Variants in AKAP7 observed in about 807,000 individuals in gnomAD.
The protein encoded by AKAP7 is A-kinase anchoring protein 7.
Under a neutral mutation model 39.5 loss-of-function variants are expected in AKAP7, and 39 were observed. The ratio of observed to expected loss-of-function variants is 0.99; its 90% CI spans 0.76 to 1.29. The LOEUF (loss-of-function observed/expected upper bound fraction) is 1.29, where lower values mean the gene tolerates loss of function less well. AKAP7 is among the 50% of genes most tolerant of loss of function. AKAP7 has a pLI of 0.00. For synonymous variants in AKAP7, 140 were observed against 139.1 expected (o/e 1.01, Z -0.05); for missense variants, 414 against 407.7 (o/e 1.02, Z -0.13).
At chr6:131,164,549 G>A in intron 3 of AKAP7, 1 of 378,688 alleles carries the variant, frequency 2.6e-6, no homozygotes, top group Non-Finnish European at 5.3e-6. Flanking sequence ...AAAAATGACA[G>A]TAGTCATTTC....
chr6:131,151,959 A>T (rs1208580987), intron 2 of AKAP7, among the ~76,000 whole-genome samples: 1 of 152,218 alleles, frequency 6.6e-6, no homozygotes, highest in Non-Finnish European at 1.5e-5. Context: ...TTTTCTCATC[A>T]TTCATTTCTT....
intron 7 of AKAP7, among the ~76,000 whole-genome samples, chr6:131,225,796 G>A (rs1221395306): frequency 6.6e-6 from 1 of 151,872 alleles, no homozygotes; most frequent in Non-Finnish European, 1.5e-5. Flanking sequence ...TCCATTAATT[G>A]GTTCATTTTT....
At chr6:131,245,673 G>T (rs1811946714) in intron 7 of AKAP7, among the ~76,000 whole-genome samples, 1 of 152,036 alleles carries the variant, frequency 6.6e-6, no homozygotes, top group South Asian at 2.1e-4. Context: ...CATTTTCACT[G>T]AAATTGTGAC....
At chr6:131,169,627 A>G (rs1803836360) in intron 5 of AKAP7, among the ~76,000 whole-genome samples, 1 of 152,214 alleles carries the variant, frequency 6.6e-6, no homozygotes, top group Non-Finnish European at 1.5e-5. Context: ...CTCTGAGCAG[A>G]AGGACCATTG....
chr6:131,201,099 T>G (rs1335689854), intron 6 of AKAP7, among the ~76,000 whole-genome samples: 1 of 152,180 alleles, frequency 6.6e-6, no homozygotes, highest in Admixed American at 6.5e-5. Context: ...ATATGAGACT[T>G]GGAATGGTTG....
At chr6:131,239,945 G>A (rs1417408335) in intron 7 of AKAP7, among the ~76,000 whole-genome samples, 1 of 152,218 alleles carries the variant, frequency 6.6e-6, no homozygotes, top group African/African-American at 2.4e-5. Context: ...TTCCGTTGCT[G>A]GTGAGGAGCT....
intron 7 of AKAP7, among the ~76,000 whole-genome samples, chr6:131,255,910 A>G (rs1356500775): frequency 6.6e-6 from 1 of 151,658 alleles, no homozygotes. Flanking sequence ...TCCTCCTCTT[A>G]ATTTATTTAA....
intron 7 of AKAP7, among the ~76,000 whole-genome samples, chr6:131,241,637 A>ATATATATATATGTGTG (rs1554217972): frequency 1.3e-5 from 1 of 78,786 alleles, no homozygotes; most frequent in Non-Finnish European, 3.0e-5. Flanking sequence ...GTATATATAT[A>ATATATATATATGTGTG]TGACAGTTAT....
At chr6:131,143,926 G>A (rs1801267994) in intron 1 of AKAP7, among the ~76,000 whole-genome samples, 1 of 139,512 alleles carries the variant, frequency 7.2e-6, no homozygotes, top group Non-Finnish European at 1.5e-5. Context: ...AAGTGTTTGT[G>A]TCCCTGGGTA....
intron 6 of AKAP7, among the ~76,000 whole-genome samples, chr6:131,219,333 GAGATGATT>G (rs1809498709): frequency 6.6e-6 from 1 of 151,538 alleles, no homozygotes; most frequent in Admixed American, 6.6e-5. Flanking sequence ...ATTTTTGTTG[GAGATGATT>G]AGTCTTTCCT....
chr6:131,212,753 G>A (rs780963166), intron 6 of AKAP7, among the ~76,000 whole-genome samples: 1 of 152,074 alleles, frequency 6.6e-6, no homozygotes, highest in Admixed American at 6.5e-5. Context: ...ATGATGTTGG[G>A]GGTTAGAATG....
Position 131,145,307 on chromosome 6 carries a change from TG to T in AKAP7, c.43del (p.Glu15LysfsTer22). ...AAGGAGGAATTAATTCCAATGAGTG[TG>T]AAAATGTATCAAGAAAAAAGAAAAT... ...EAGGINSNECENVSRKKKMSE... is the reference protein window; with the variant it reads ...EAGGINSNECXNVSRKKKMSE... On this transcript the variant is annotated frameshift_variant, in exon 2 of 8. Coordinates refer to ENST00000431975, the MANE Select transcript of AKAP7 (RefSeq NM_016377.4). LOFTEE classifies it high-confidence loss of function. The T allele has an allele frequency of 6.5e-7, 1 of 1,536,716 alleles. No individual in the cohort carries two copies.
At chr6:131,147,694 T>C (rs1039987505) in intron 2 of AKAP7, among the ~76,000 whole-genome samples, 13 of 152,254 alleles carry the variant, frequency 8.5e-5, no homozygotes, top group South Asian at 2.1e-4. Flanking sequence ...TAAAGAAGGC[T>C]TCTCATGAAT....
At chr6:131,193,541 GT>G (rs1190982994) in intron 5 of AKAP7, among the ~76,000 whole-genome samples, 1 of 152,008 alleles carries the variant, frequency 6.6e-6, no homozygotes, top group Admixed American at 6.6e-5. Context: ...TCTTTGTCTG[GT>G]TTTGATATCA....
chr6:131,158,396 C>T (rs186968018), intron 2 of AKAP7, among the ~76,000 whole-genome samples: 5 of 152,210 alleles, frequency 3.3e-5, no homozygotes, highest in East Asian at 1.9e-4. Context: ...TGAAACCAAC[C>T]GAATAGGATT....
rs1815190781 is a variant in AKAP7 at position 131,281,547 on chromosome 6, G to A, written c.868G>A (p.Glu290Lys). Residue 290 changes from glutamate (E) to lysine (K), a missense_variant, in exon 8 of 8, where the codon GAG becomes AAG. Transcript: ENST00000431975. The surrounding 1 kb of genome is among the most constrained non-coding windows in gnomAD (Gnocchi z 4.0). ...SIVIGEKNGG[E>K]PDDAELVRLS... ...GAATGTAGGTGAAAAGAACGGAGGGGAGCCCGATGACGCTGAACTAGTAAG... is the reference window on the plus strand; with the variant it reads ...GAATGTAGGTGAAAAGAACGGAGGGAAGCCCGATGACGCTGAACTAGTAAG... 1 of 1,609,262 alleles carries A rather than the reference G, an allele frequency of 6.2e-7. No homozygotes were observed. The highest frequency in any genetic ancestry group is 8.5e-7 in the Non-Finnish European group (1 of 1,177,604).
At chr6:131,200,303 C>A (rs1442595025) in intron 6 of AKAP7, among the ~76,000 whole-genome samples, 1 of 152,060 alleles carries the variant, frequency 6.6e-6, no homozygotes, top group Non-Finnish European at 1.5e-5. Context: ...CTAAGGCCAC[C>A]CTTCATTTTG....
intron 7 of AKAP7, among the ~76,000 whole-genome samples, chr6:131,275,974 T>C (rs1714127094): frequency 6.6e-6 from 1 of 152,160 alleles, no homozygotes. Flanking sequence ...CTTTGTTTCT[T>C]CTCTCAAGGC....
the AKAP7 span, among the ~76,000 whole-genome samples, chr6:131,125,961 T>C: frequency 4.4e-3 from 677 of 152,350 alleles, no homozygotes; most frequent in Non-Finnish European, 8.0e-3. Flanking sequence ...ATCTCTGTGA[T>C]AGCTTGTCTG....
Sources: allele counts gnomAD v4.1 joint callset (sites outside exome capture counted in the v4.1 genomes callset), GRCh38; gene constraint gnomAD v4.1.1; non-coding constraint Gnocchi (gnomAD v3.1); transcripts MANE v1.5; gene names NCBI Gene and HGNC (gene_info 2026-07-23, HGNC 2026-07-21).